NLRP4: variants seen among roughly 807,000 people sequenced by gnomAD.
NLRP4 encodes the protein NLR family pyrin domain containing 4, also known as NACHT, LRR and PYD domains-containing protein 4.
A neutral mutation model predicts 84.7 loss-of-function variants in NLRP4; 44 were observed. That is an observed-to-expected ratio of 0.52 (90% CI 0.41 to 0.67). The LOEUF (loss-of-function observed/expected upper bound fraction) is 0.67. NLRP4 is among the 30% of genes least tolerant of loss of function. The pLI, the probability that NLRP4 is intolerant of heterozygous loss-of-function variation, is 0.00. For synonymous variants in NLRP4, 544 were observed against 476.4 expected (o/e 1.14, Z -1.85); for missense variants, 1,260 against 1,219.4 (o/e 1.03, Z -0.50).
At chr19:55,851,833 A>G (rs1255195450) in intron 1 of NLRP4, among the ~76,000 whole-genome samples, 183 bp from the exon 2 acceptor site, 1 of 152,184 alleles carries the variant, frequency 6.6e-6, no homozygotes, top group Non-Finnish European at 1.5e-5. Context: ...GGATTATTGT[A>G]TCTCTGATTC....
chr19:55,858,313 G>C lies in NLRP4; in HGVS notation c.920G>C (p.Arg307Thr), dbSNP rs1244976506. The C allele has an allele frequency of 1.9e-6, 3 of 1,614,152 alleles. No individual in the cohort carries two copies. Among genetic ancestry groups the C allele is most frequent in the Non-Finnish European group, 2.5e-6 (3 of 1,180,032 alleles). The change falls in exon 3 of 10, where the codon AGG (arginine) becomes ACG (threonine). Residue 307 changes from arginine to threonine, a missense_variant. Transcript: ENST00000301295. This position sits in a 1 kb window ranked among gnomAD's most constrained non-coding sequence, Gnocchi z 4.2. ...CCCCGGGGATTCAACGAGAGTGATA[G>C]GTTAGTGTATTTCTGCTGTTTCTTC... is the stretch of plus-strand genomic sequence containing the variant. ...YQPRGFNESD[R>T]LVYFCCFFKD...
chr19:55,846,885 T>G (rs1983817990), intron 1 of NLRP4, among the ~76,000 whole-genome samples: 1 of 152,294 alleles, frequency 6.6e-6, no homozygotes, highest in Non-Finnish European at 1.5e-5. Context: ...CATCATATTC[T>G]CATTCCGAAT....
intron 5 of NLRP4, among the ~76,000 whole-genome samples, chr19:55,864,789 T>A (rs1019988666): frequency 6.6e-6 from 1 of 152,158 alleles, no homozygotes; most frequent in Non-Finnish European, 1.5e-5. Flanking sequence ...CTAGTAGATG[T>A]GAAGGAGCAT....
chr19:55,854,741 C>T (rs918776966), intron 2 of NLRP4, among the ~76,000 whole-genome samples: 3 of 151,900 alleles, frequency 2.0e-5, no homozygotes, highest in Non-Finnish European at 2.9e-5. Context: ...TTCTTTGAGA[C>T]GGAGTTTCAC....
At chr19:55,881,427 A>T (rs1985585089) in intron 9 of NLRP4, 43 bp from the exon 10 acceptor site, 1 of 1,026,120 alleles carries the variant, frequency 9.7e-7, no homozygotes. Flanking sequence ...AAAGGGAAAA[A>T]GTATGTGAAT....
At chr19:55,874,076 G>C (rs974949234) in intron 7 of NLRP4, among the ~76,000 whole-genome samples, 4 of 152,020 alleles carry the variant, frequency 2.6e-5, no homozygotes, top group Admixed American at 6.5e-5. Context: ...GAAACCTGCA[G>C]GGTGGTTCTT....
At chr19:55,875,858 G>A (rs910073642) in intron 7 of NLRP4, among the ~76,000 whole-genome samples, 2 of 145,538 alleles carry the variant, frequency 1.4e-5, no homozygotes, top group South Asian at 2.2e-4. Flanking sequence ...GTGAAACCCC[G>A]TCTCTACTGA....
At chr19:55,863,454 C>G (rs1361593632) in intron 5 of NLRP4, among the ~76,000 whole-genome samples, 1 of 152,102 alleles carries the variant, frequency 6.6e-6, no homozygotes, top group Non-Finnish European at 1.5e-5. Context: ...GCACGTCTTA[C>G]ATGGGGGAGC....
At chr19:55,872,260 A>C (rs903835114) in intron 7 of NLRP4, among the ~76,000 whole-genome samples, 4 of 152,184 alleles carry the variant, frequency 2.6e-5, no homozygotes, top group African/African-American at 9.7e-5. Flanking sequence ...TACTGAACAG[A>C]TGCCTGAAAG....
At chr19:55,878,594 G>A (rs1424481738) in intron 8 of NLRP4, among the ~76,000 whole-genome samples, 200 bp from the exon 9 acceptor site, 2 of 152,170 alleles carry the variant, frequency 1.3e-5, no homozygotes, top group African/African-American at 4.8e-5. Context: ...GCTGTGGGCA[G>A]GGATACAGAG....
intron 1 of NLRP4, among the ~76,000 whole-genome samples, chr19:55,838,421 G>A (rs1211344087): frequency 1.3e-5 from 2 of 152,000 alleles, no homozygotes; most frequent in African/African-American, 2.4e-5. Flanking sequence ...ACAGAAGCCA[G>A]TAAGAGGCAA....
In NLRP4 at chr19:55,858,091, T is replaced by G. The variant is rs2123032995; in HGVS notation, c.698T>G (p.Phe233Cys). Reference sequence around the variant, plus strand: ...AGACTCTTGTTCGTCATCGACAGCTTCGAAGAGCTGCAGGGCGGCTTGAAC... The same window carrying G: ...AGACTCTTGTTCGTCATCGACAGCTGCGAAGAGCTGCAGGGCGGCTTGAAC... ...PERLLFVIDS[F>C]EELQGGLNEP... is the part of the protein sequence containing the mutation. The change falls in exon 3 of 10, where the codon TTC (phenylalanine) becomes TGC (cysteine). Residue 233 changes from phenylalanine to cysteine, a missense_variant. Transcript: ENST00000301295. The surrounding 1 kb of genome is among the most constrained non-coding windows in gnomAD (Gnocchi z 4.2). 3 of 1,614,124 alleles carry G rather than the reference T, an allele frequency of 1.9e-6. No individual in the cohort carries two copies. In the South Asian group the frequency reaches 3.3e-5, roughly 18 times the overall value.
chr19:55,865,669 T>A (rs1984926611), intron 5 of NLRP4, among the ~76,000 whole-genome samples: 1 of 152,236 alleles, frequency 6.6e-6, no homozygotes, highest in Non-Finnish European at 1.5e-5. Context: ...CTGACCTGTG[T>A]GAGATGGTAT....
intron 1 of NLRP4, among the ~76,000 whole-genome samples, chr19:55,846,975 AG>A: frequency 6.6e-6 from 1 of 152,182 alleles, no homozygotes; most frequent in East Asian, 1.9e-4. Context: ...CCCAGGCTGG[AG>A]TGCAGTGGCA....
chr19:55,859,582 C>T (rs1432195417), intron 3 of NLRP4, among the ~76,000 whole-genome samples: 5 of 152,126 alleles, frequency 3.3e-5, no homozygotes, highest in Non-Finnish European at 7.3e-5. Flanking sequence ...TAGCACCACA[C>T]TCCCTGTGTC....
At chr19:55,866,706 G>T (rs1324236952) in intron 5 of NLRP4, among the ~76,000 whole-genome samples, 2 of 152,132 alleles carry the variant, frequency 1.3e-5, no homozygotes, top group East Asian at 3.8e-4. Flanking sequence ...CTAACCACAG[G>T]CCAGAAAAAG....
chr19:55,837,523 CGT>C (rs1387906085), intron 1 of NLRP4, among the ~76,000 whole-genome samples: 2 of 151,842 alleles, frequency 1.3e-5, no homozygotes. Context: ...GACTATGAAA[CGT>C]ATATAGAAAG....
At chr19:55,839,010 C>G (rs546703465) in intron 1 of NLRP4, among the ~76,000 whole-genome samples, 12 of 150,402 alleles carry the variant, frequency 8.0e-5, no homozygotes, top group Non-Finnish European at 1.5e-4. Flanking sequence ...GCTGAATGTG[C>G]AGGTTTGTTA....
intron 2 of NLRP4, among the ~76,000 whole-genome samples, chr19:55,853,400 CTTGT>C (rs140836885): frequency 0.026 from 3,914 of 152,256 alleles, 91 homozygotes; most frequent in East Asian, 0.091. Context: ...ACTGGACTTT[CTTGT>C]TTGTTTGACA....
Sources: allele counts gnomAD v4.1 joint callset (sites outside exome capture counted in the v4.1 genomes callset), GRCh38; gene constraint gnomAD v4.1.1; non-coding constraint Gnocchi (gnomAD v3.1); transcripts MANE v1.5; gene names NCBI Gene and HGNC (gene_info 2026-07-23, HGNC 2026-07-21).